PIK3C2G: variants seen among roughly 807,000 people sequenced by gnomAD.
PIK3C2G encodes phosphatidylinositol 3-kinase C2 domain-containing subunit gamma.
Under a neutral mutation model 181.1 loss-of-function variants are expected in PIK3C2G, and 168 were observed. That is an observed-to-expected ratio of 0.93 (90% CI 0.82 to 1.05). The LOEUF is 1.05. Ranked by LOEUF, PIK3C2G falls within the 50% of genes least tolerant of loss-of-function variation. The pLI is 0.00. For synonymous variants in PIK3C2G, 573 were observed against 592.2 expected (o/e 0.97, Z 0.47); for missense variants, 1,869 against 1,732.8 (o/e 1.08, Z -1.40).
chr12:18,250,790 G>A (rs1027639911), intron 1 of PIK3C2G, among the ~76,000 whole-genome samples: 3 of 151,964 alleles, frequency 2.0e-5, no homozygotes, highest in African/African-American at 7.2e-5. Flanking sequence ...AGGCTTACAT[G>A]AGAAATACCA....
intron 18 of PIK3C2G, among the ~76,000 whole-genome samples, chr12:18,451,834 G>T (rs1384565550): frequency 1.3e-5 from 2 of 152,150 alleles, no homozygotes; most frequent in African/African-American, 4.8e-5. Context: ...TAATCATGTG[G>T]TTTTTTGTCA....
chr12:18,653,295 C>G (rs545956263), downstream of PIK3C2G, among the ~76,000 whole-genome samples: 1 of 152,092 alleles, frequency 6.6e-6, no homozygotes, highest in Non-Finnish European at 1.5e-5. Flanking sequence ...TTTGATATTA[C>G]ATAGGAAAAA....
chr12:18,456,867 G>C (rs1478442360), intron 18 of PIK3C2G, among the ~76,000 whole-genome samples: 2 of 152,184 alleles, frequency 1.3e-5, no homozygotes, highest in African/African-American at 2.4e-5. Context: ...ACCAACGGCT[G>C]AAATAATTTC....
intron 31 of PIK3C2G, among the ~76,000 whole-genome samples, chr12:18,610,692 A>G (rs1343060543): frequency 3.4e-4 from 52 of 152,102 alleles, no homozygotes; most frequent in Admixed American, 3.4e-3. Context: ...GTTTTTAAAG[A>G]AACCCTTACA....
intron 29 of PIK3C2G, among the ~76,000 whole-genome samples, chr12:18,582,219 A>G (rs539142449): frequency 6.6e-6 from 1 of 152,258 alleles, no homozygotes; most frequent in African/African-American, 2.4e-5. Context: ...ACACATTGGG[A>G]TTCATCAAGA....
intron 30 of PIK3C2G, among the ~76,000 whole-genome samples, chr12:18,605,118 A>T (rs1947944016): frequency 6.6e-6 from 1 of 152,140 alleles, no homozygotes; most frequent in Non-Finnish European, 1.5e-5. Context: ...TTGGAAATAC[A>T]AATAAAATTG....
chr12:18,444,523 A>C (rs1946922408), intron 18 of PIK3C2G, among the ~76,000 whole-genome samples: 1 of 152,082 alleles, frequency 6.6e-6, no homozygotes, highest in Non-Finnish European at 1.5e-5. Flanking sequence ...AATAATCTTA[A>C]ATTCCCTGAA....
intron 6 of PIK3C2G, among the ~76,000 whole-genome samples, chr12:18,316,151 A>AT (rs1404785016): frequency 6.6e-6 from 1 of 152,220 alleles, no homozygotes; most frequent in African/African-American, 2.4e-5. Context: ...TGAAAAGTTA[A>AT]GAGATTATTT....
At chr12:18,694,656 T>G in the PIK3C2G span, among the ~76,000 whole-genome samples, 1 of 152,086 alleles carries the variant, frequency 6.6e-6, no homozygotes, top group Non-Finnish European at 1.5e-5. Flanking sequence ...AATCATATAG[T>G]AGAACTTTGA....
At chr12:18,669,976 C>A in the PIK3C2G span, among the ~76,000 whole-genome samples, 1 of 152,000 alleles carries the variant, frequency 6.6e-6, no homozygotes, top group South Asian at 2.1e-4. Flanking sequence ...CCCTCTTCCT[C>A]TTCTTATAAG....
At chr12:18,485,964 C>A (rs1338761675) in intron 18 of PIK3C2G, among the ~76,000 whole-genome samples, 4 of 152,130 alleles carry the variant, frequency 2.6e-5, no homozygotes, top group Admixed American at 6.6e-5. Flanking sequence ...AGGTCACTGA[C>A]ACAGAACTGA....
rs1565551552 is a variant in PIK3C2G at position 18,282,582 on chromosome 12, C to T, written c.501C>T (p.Tyr167=). ...AATTAGAAAATGAAAATCATAACTA[C>T]CATATAGGATTTGAAAGTAGCATTC... ...EKELENENHN[Y]HIGFESSIPP... The change falls in exon 2 of 33, where the codon TAC becomes TAT. Residue 167 remains tyrosine, a synonymous_variant. Coordinates refer to ENST00000538779, the MANE Select transcript of PIK3C2G (RefSeq NM_001288772.2). 6.2e-7 allele frequency: 1 copy of T among 1,611,788 alleles called. No individual in the cohort carries two copies. The highest frequency in any genetic ancestry group is 2.2e-5 in the East Asian group (1 of 44,858).
the PIK3C2G span, among the ~76,000 whole-genome samples, chr12:18,672,635 T>C: frequency 3.3e-3 from 503 of 152,324 alleles, 5 homozygotes; most frequent in African/African-American, 0.011. Flanking sequence ...TTTTCTTTAC[T>C]GACACTGAGT....
intron 10 of PIK3C2G, among the ~76,000 whole-genome samples, chr12:18,344,913 G>A (rs1939517828): frequency 6.6e-6 from 1 of 152,122 alleles, no homozygotes; most frequent in Non-Finnish European, 1.5e-5. Flanking sequence ...TAATGCATAA[G>A]CATACATCTC....
intron 18 of PIK3C2G, among the ~76,000 whole-genome samples, chr12:18,432,495 G>A (rs1279490133): frequency 1.3e-5 from 2 of 152,084 alleles, no homozygotes; most frequent in Non-Finnish European, 2.9e-5. Flanking sequence ...CTATAATAAT[G>A]TTAGTCCCCC....
intron 11 of PIK3C2G, among the ~76,000 whole-genome samples, chr12:18,359,720 G>C (rs1006757555): frequency 6.6e-6 from 1 of 151,902 alleles, no homozygotes; most frequent in African/African-American, 2.4e-5. Flanking sequence ...TCTTTTTCTT[G>C]TTATAGTTTT....
chr12:18,419,885 AC>A (rs1205279619), intron 16 of PIK3C2G, among the ~76,000 whole-genome samples: 1 of 152,122 alleles, frequency 6.6e-6, no homozygotes, highest in Non-Finnish European at 1.5e-5. Context: ...TTCCCATTTA[AC>A]CCTTCAGTAA....
intron 21 of PIK3C2G, 80 bp from the exon 22 acceptor site, chr12:18,497,539 A>G (rs944163588): frequency 1.9e-5 from 20 of 1,028,638 alleles, no homozygotes; most frequent in Non-Finnish European, 2.8e-5. Context: ...CAAGGAGAAA[A>G]GTGACATGTA....
intron 5 of PIK3C2G, among the ~76,000 whole-genome samples, chr12:18,296,521 A>G (rs1949949553): frequency 6.6e-6 from 1 of 152,124 alleles, no homozygotes; most frequent in Non-Finnish European, 1.5e-5. Flanking sequence ...TGGTATAAAA[A>G]CTAGCTCTAA....
Sources: gnomAD v4.1 joint callset for allele counts (sites outside exome capture counted in the v4.1 genomes callset) on GRCh38, gnomAD v4.1.1 for gene constraint, MANE v1.5 for transcripts, NCBI Gene and HGNC (gene_info 2026-07-23, HGNC 2026-07-21) for gene names.